Variants in DPF3 observed in about 807,000 individuals in gnomAD.
DPF3 encodes zinc finger protein DPF3.
DPF3 carries 18 observed loss-of-function variants against 56.8 expected under a neutral mutation model. That is an observed-to-expected ratio of 0.32 (90% CI 0.22 to 0.47). The LOEUF (loss-of-function observed/expected upper bound fraction) is 0.47. Among genes scored for constraint, DPF3 ranks in the 20% least tolerant of loss-of-function variants. The pLI is 1.00. For missense variants in DPF3, 403 were observed against 488.8 expected (o/e 0.82, Z 1.65); for synonymous variants, 188 against 180.2 (o/e 1.04, Z -0.35).
intron 1 of DPF3, among the ~76,000 whole-genome samples, chr14:72,861,026 T>TACAC (rs10570653): frequency 6.1e-5 from 9 of 147,864 alleles, no homozygotes; most frequent in Non-Finnish European, 1.0e-4. Flanking sequence ...GTTCTCACTA[T>TACAC]ACACACACAC....
Position 72,612,580 on chromosome 14 carries a change from G to A in DPF3, c.*6717C>T, listed in dbSNP as rs1411619810. 2 of 458,752 alleles carry A rather than the reference G, an allele frequency of 4.4e-6. No individual in the cohort carries two copies. The highest frequency in any genetic ancestry group is 3.3e-4 in the Middle Eastern group (1 of 3,030). 28.4% of individuals were successfully genotyped at this position (458,752 alleles called of 1,614,324 possible). ...AGCATCTATCACGGCAGAGGGAAGG[G>A]AGGAAACAGTGCAGGGAAGGGAGAG... On this transcript the variant is annotated 3_prime_UTR_variant, in exon 11 of 11. Coordinates refer to ENST00000556509, the MANE Select transcript of DPF3 (RefSeq NM_001280542.3).
intron 1 of DPF3, among the ~76,000 whole-genome samples, chr14:72,822,816 G>A (rs529587710): frequency 8.5e-5 from 13 of 152,158 alleles, no homozygotes; most frequent in African/African-American, 2.7e-4. Context: ...AGTGTTATAC[G>A]TTGCATTATA....
chr14:72,763,173 T>A (rs975771973), intron 2 of DPF3, among the ~76,000 whole-genome samples: 1 of 151,996 alleles, frequency 6.6e-6, no homozygotes, highest in African/African-American at 2.4e-5. Flanking sequence ...AATTGTCAAT[T>A]TTCCCCAAAT....
In DPF3 at chr14:72,749,100, G is replaced by A. The variant is rs529976794; in HGVS notation, c.301+4164C>T. Among the ~76,000 whole-genome samples the A allele has an allele frequency of 1.4e-4, 21 of 152,350 alleles. No individual in the cohort carries two copies. In the East Asian group the frequency reaches 1.5e-3, roughly 11 times the overall value. On this transcript the variant is annotated intron_variant, in intron 3 of 10. Coordinates refer to ENST00000556509, the MANE Select transcript of DPF3 (RefSeq NM_001280542.3). ...CTTGCACCTTGCACCTGGAAAAGCCGCAGACACTCAATGCCAGCCCATGAA... is the reference window on the plus strand; with the variant it reads ...CTTGCACCTTGCACCTGGAAAAGCCACAGACACTCAATGCCAGCCCATGAA...
Position 72,611,637 on chromosome 14 carries a change from C to A in DPF3, c.*7660G>T, listed in dbSNP as rs906543643. On this transcript the variant is annotated 3_prime_UTR_variant, in exon 11 of 11. Coordinates refer to ENST00000556509, the MANE Select transcript of DPF3 (RefSeq NM_001280542.3). ...GCCTTCCACCCCAGAAACCCACAAGCAGCTCTGGGGACACTGGCTGCCCAA... is the reference window on the plus strand; with the variant it reads ...GCCTTCCACCCCAGAAACCCACAAGAAGCTCTGGGGACACTGGCTGCCCAA... Among the ~76,000 whole-genome samples, 1 of 152,194 alleles carries A rather than the reference C, an allele frequency of 6.6e-6. No individual in the cohort carries two copies. The highest frequency in any genetic ancestry group is 2.4e-5 in the African/African-American group (1 of 41,450).
intron 1 of DPF3, chr14:72,836,427 C>A (rs2140060403): frequency 1.0e-6 from 1 of 985,610 alleles, no homozygotes; most frequent in Non-Finnish European, 1.2e-6. Context: ...GATAAGCGCA[C>A]CCTCCTCCAT....
intron 3 of DPF3, among the ~76,000 whole-genome samples, chr14:72,749,840 C>T (rs1567220607): frequency 1.4e-5 from 2 of 143,848 alleles, no homozygotes; most frequent in Non-Finnish European, 3.0e-5. Flanking sequence ...AGAGTGAGAC[C>T]CTGTTTAAAA....
chr14:72,669,805 T>A, intron 8 of DPF3: 1 of 775,314 alleles, frequency 1.3e-6, no homozygotes, highest in Non-Finnish European at 1.6e-6. Flanking sequence ...GGGGAGACAC[T>A]CCAGCAGCCA....
rs562798589 is a variant in DPF3, at chr14:72,638,985, T to C, written c.872-9249A>G. On this transcript the variant is annotated intron_variant, in intron 8 of 10. Coordinates refer to ENST00000556509, the MANE Select transcript of DPF3 (RefSeq NM_001280542.3). ...GCGCCCGCCACCATGCCTGGCTAATTTTTTGTATTTTTTAGTAGAGACGGG... is the reference window on the plus strand; with the variant it reads ...GCGCCCGCCACCATGCCTGGCTAATCTTTTGTATTTTTTAGTAGAGACGGG... Among the ~76,000 whole-genome samples the C allele has an allele frequency of 8.5e-5, 13 of 152,088 alleles. No homozygotes were observed. In the East Asian group the frequency reaches 2.5e-3, roughly 29 times the overall value.
intron 1 of DPF3, among the ~76,000 whole-genome samples, chr14:72,787,196 C>T (rs1253022819): frequency 1.3e-5 from 2 of 152,252 alleles, no homozygotes; most frequent in Non-Finnish European, 2.9e-5. Flanking sequence ...CTTTCCTCCC[C>T]AGAAAGTGAT....
Position 72,788,049 on chromosome 14 carries a change from G to C in DPF3, c.33-16156C>G, listed in dbSNP as rs200905485. On this transcript the variant is annotated intron_variant, in intron 1 of 10. Transcript: ENST00000556509. ...GAAACCTACCAACAGGTGCCTAACT[G>C]CCTGGCCATGCTAAGCGCCTGAGCC... 2.4e-4 allele frequency among the ~76,000 whole-genome samples: 37 copies of C among 152,332 alleles called. No individual in the cohort carries two copies. In the East Asian group the frequency reaches 6.6e-3, roughly 27 times the overall value.
chr14:72,875,368 C>T (rs1886072576), intron 1 of DPF3, among the ~76,000 whole-genome samples: 1 of 152,186 alleles, frequency 6.6e-6, no homozygotes, highest in South Asian at 2.1e-4. Context: ...GATTGCGCCA[C>T]TGCATTCCAG....
At chr14:72,863,841 G>T (rs951460895) in intron 1 of DPF3, among the ~76,000 whole-genome samples, 1 of 152,198 alleles carries the variant, frequency 6.6e-6, no homozygotes, top group Admixed American at 6.5e-5. Flanking sequence ...AGCACTAGGG[G>T]CAGCTGTTCT....
At chr14:72,670,083 C>T (rs1458485919) in intron 8 of DPF3, 6 of 985,698 alleles carry the variant, frequency 6.1e-6, no homozygotes, top group Non-Finnish European at 7.2e-6. Flanking sequence ...AAACATAAAA[C>T]AAAGTGCCTG....
chr14:72,772,460 T>C (rs780506745), intron 1 of DPF3, among the ~76,000 whole-genome samples: 2 of 152,176 alleles, frequency 1.3e-5, no homozygotes, highest in African/African-American at 2.4e-5. Flanking sequence ...GAAGGGGGTG[T>C]AGAGGAACAG....
chr14:72,832,298 T>A (rs1161475712), intron 1 of DPF3, among the ~76,000 whole-genome samples: 1 of 152,116 alleles, frequency 6.6e-6, no homozygotes, highest in Non-Finnish European at 1.5e-5. Flanking sequence ...GATAAAAAAT[T>A]TTTTTAAAAA....
intron 5 of DPF3, 130 bp from the exon 6 acceptor site, chr14:72,714,631 G>T: frequency 1.0e-6 from 1 of 1,004,684 alleles, no homozygotes. Context: ...CATCTTACAG[G>T]GGAGGAAACT....
intron 1 of DPF3, among the ~76,000 whole-genome samples, chr14:72,832,588 TGAACTACA>T (rs61018966): frequency 0.049 from 7,480 of 152,276 alleles, 536 homozygotes; most frequent in African/African-American, 0.16. Context: ...AAAGTAACCA[TGAACTACA>T]GATAGGGCAA....
chr14:72,611,893 C>T lies in DPF3; in HGVS notation c.*7404G>A. ...CAACAGAGAAACCTACATATACTTA[C>T]ACCTTCCGTGATGGCGCGATACTTG... On this transcript the variant is annotated 3_prime_UTR_variant, in exon 11 of 11. Coordinates refer to ENST00000556509, the MANE Select transcript of DPF3 (RefSeq NM_001280542.3). Among the ~76,000 whole-genome samples, 1 of 152,128 alleles carries T rather than the reference C, an allele frequency of 6.6e-6. No homozygotes were observed. The highest frequency in any genetic ancestry group is 1.9e-4 in the East Asian group (1 of 5,180).
Sources: gnomAD v4.1 joint callset for allele counts (sites outside exome capture counted in the v4.1 genomes callset) on GRCh38, gnomAD v4.1.1 for gene constraint, MANE v1.5 for transcripts, NCBI Gene and HGNC (gene_info 2026-07-23, HGNC 2026-07-21) for gene names.